Variants in ENOX1 observed in about 807,000 individuals in gnomAD.
The protein encoded by ENOX1 is ecto-NOX disulfide-thiol exchanger 1, also known as candidate growth-related and time keeping constitutive hydroquinone (NADH) oxidase.
Under a neutral mutation model 82.5 loss-of-function variants are expected in ENOX1, and 42 were observed. That is an observed-to-expected ratio of 0.51 (90% CI 0.40 to 0.66). The LOEUF is 0.66. Among genes scored for constraint, ENOX1 ranks in the 30% least tolerant of loss-of-function variants. The pLI is 0.00. For missense variants in ENOX1, 608 were observed against 811.6 expected (o/e 0.75, Z 3.05); for synonymous variants, 271 against 282.2 (o/e 0.96, Z 0.40).
At chr13:43,317,746 C>CT (rs932803443) in intron 11 of ENOX1, among the ~76,000 whole-genome samples, 1 of 151,856 alleles carries the variant, frequency 6.6e-6, no homozygotes, top group African/African-American at 2.4e-5. Context: ...TGGCTCATGC[C>CT]TGTAATCCCA....
At chr13:43,445,143 A>C (rs576011544) in intron 3 of ENOX1, among the ~76,000 whole-genome samples, 285 of 96,058 alleles carry the variant, frequency 3.0e-3, no homozygotes, top group African/African-American at 8.7e-3. Flanking sequence ...TTTTTTTTTG[A>C]TACGGAGTCT....
intron 5 of ENOX1, among the ~76,000 whole-genome samples, chr13:43,388,621 A>T (rs1423427236): frequency 5.3e-5 from 8 of 152,210 alleles, no homozygotes; most frequent in African/African-American, 1.9e-4. Flanking sequence ...TCAGCAGAGC[A>T]AATAATGGGA....
Position 43,589,463 on chromosome 13 carries a change from G to A in ENOX1, c.-219+78016C>T, listed in dbSNP as rs567000716. Among the ~76,000 whole-genome samples the A allele has an allele frequency of 3.3e-5, 5 of 152,210 alleles. No individual in the cohort carries two copies. In the East Asian group the frequency reaches 9.7e-4, roughly 29 times the overall value. ...ACAACAGAAGACCAGATCTCAGATG[G>A]TGTGAAGTTTATATTACTTGGGGTG... On this transcript the variant is annotated intron_variant, in intron 2 of 16. Coordinates refer to ENST00000690772, the MANE Select transcript of ENOX1 (RefSeq NM_001347969.2).
intron 2 of ENOX1, among the ~76,000 whole-genome samples, chr13:43,572,815 G>C (rs749574146): frequency 1.3e-5 from 2 of 152,144 alleles, no homozygotes; most frequent in African/African-American, 4.8e-5. Flanking sequence ...AATCCTCCTG[G>C]CATCTATCCC....
At chr13:43,621,461 T>G (rs1244305509) in intron 2 of ENOX1, among the ~76,000 whole-genome samples, 1 of 152,228 alleles carries the variant, frequency 6.6e-6, no homozygotes, top group Non-Finnish European at 1.5e-5. Flanking sequence ...TGGCAAATTA[T>G]TTCAGCATTT....
intron 2 of ENOX1, among the ~76,000 whole-genome samples, chr13:43,525,644 AT>A (rs1483095468): frequency 2.0e-5 from 3 of 151,954 alleles, no homozygotes; most frequent in Non-Finnish European, 4.4e-5. Flanking sequence ...ACCAACACTT[AT>A]TTGGTTTTTT....
chr13:43,405,401 T>C (rs2053735298), intron 5 of ENOX1, among the ~76,000 whole-genome samples: 2 of 152,082 alleles, frequency 1.3e-5, no homozygotes, highest in South Asian at 4.2e-4. Flanking sequence ...ACCAAAGCCA[T>C]ACCTCCATCA....
chr13:43,298,616 CA>C, intron 11 of ENOX1, 86 bp from the exon 12 acceptor site: 4 of 1,293,290 alleles, frequency 3.1e-6, no homozygotes, highest in Non-Finnish European at 2.1e-6. Context: ...GTCTGTCACC[CA>C]AGTTCTTAAT....
intron 3 of ENOX1, among the ~76,000 whole-genome samples, chr13:43,415,241 T>TTTTTTG (rs1956936774): frequency 1.4e-5 from 2 of 144,268 alleles, no homozygotes; most frequent in Non-Finnish European, 3.0e-5. Flanking sequence ...TGTTTTTTTT[T>TTTTTTG]TTTTTTTTTT....
chr13:43,458,316 A>G (rs1414849814), intron 3 of ENOX1: 2 of 152,230 alleles, frequency 1.3e-5, no homozygotes, highest in African/African-American at 4.8e-5. Context: ...AAATCATACA[A>G]TGCATATAAA....
chr13:43,644,812 T>A (rs2153771172), intron 2 of ENOX1, among the ~76,000 whole-genome samples: 1 of 152,310 alleles, frequency 6.6e-6, no homozygotes, highest in African/African-American at 2.4e-5. Context: ...ATATTCACAG[T>A]ACTACACCAA....
chr13:43,603,564 T>C (rs1239330205), intron 2 of ENOX1, among the ~76,000 whole-genome samples: 3 of 139,460 alleles, frequency 2.2e-5, no homozygotes, highest in Non-Finnish European at 4.5e-5. Context: ...CAGGCCCTGG[T>C]GTGTGATGTT....
chr13:43,451,100 A>G (rs760021641), intron 3 of ENOX1, among the ~76,000 whole-genome samples: 1 of 152,212 alleles, frequency 6.6e-6, no homozygotes, highest in Non-Finnish European at 1.5e-5. Context: ...TTGAGTAGTT[A>G]GAAGTAAAAA....
rs1225950134 is a variant in ENOX1, at chr13:43,214,035, T to C, written c.1887A>G (p.Glu629=). 6.2e-7 allele frequency: 1 copy of C among 1,613,954 alleles called. No individual in the cohort carries two copies. The highest frequency in any genetic ancestry group is 1.7e-5 in the Admixed American group (1 of 59,996). ...CAAAGGCACACAGCTTCCATCTTTT[T>C]TCCAGCGTGGCTCCCACACCCGTGA... ...QEFTGVGATL[E]KRWKLCAFEG... The change falls in exon 17 of 17, where the codon GAA becomes GAG. Residue 629 remains glutamate (E), a synonymous_variant. Transcript: ENST00000690772.
chr13:43,275,824 A>G (rs1366499226), intron 12 of ENOX1, among the ~76,000 whole-genome samples: 1 of 152,172 alleles, frequency 6.6e-6, no homozygotes, highest in Non-Finnish European at 1.5e-5. Context: ...TTACATGTAC[A>G]TGATAACTAA....
intron 11 of ENOX1, among the ~76,000 whole-genome samples, chr13:43,309,738 C>T (rs752168033): frequency 7.9e-4 from 120 of 152,110 alleles, no homozygotes; most frequent in Non-Finnish European, 1.4e-3. Context: ...AGCAATTTTT[C>T]CCTGGGAAAG....
In ENOX1 at chr13:43,359,946, C is replaced by G. The variant is rs1227028432; in HGVS notation, c.494G>C (p.Cys165Ser). The change falls in exon 7 of 17, where the codon TGC (cysteine) becomes TCC (serine). Residue 165 changes from cysteine to serine, a missense_variant. Physicochemically the swap from Cys to Ser is moderately radical, Grantham distance 112. Transcript: ENST00000690772. Reference sequence around the variant, plus strand: ...TTTCCGAATTGCTGTAATATCACCGCACTGTTCAAAGACTTCTTGAATAAT... The same window carrying G: ...TTTCCGAATTGCTGTAATATCACCGGACTGTTCAAAGACTTCTTGAATAAT... ...EEIIQEVFEQ[C>S]GDITAIRKSK... The G allele has an allele frequency of 1.9e-5, 31 of 1,614,074 alleles. No individual in the cohort carries two copies. In the Admixed American group the frequency reaches 5.0e-4, roughly 26 times the overall value.
At chr13:43,250,701 G>A (rs1168390148) in intron 14 of ENOX1, among the ~76,000 whole-genome samples, 3 of 152,046 alleles carry the variant, frequency 2.0e-5, no homozygotes, top group Non-Finnish European at 4.4e-5. Context: ...CTACAATAAG[G>A]GTACATTTTG....
At chr13:43,389,307 A>G (rs1340746606) in intron 5 of ENOX1, among the ~76,000 whole-genome samples, 1 of 152,240 alleles carries the variant, frequency 6.6e-6, no homozygotes, top group African/African-American at 2.4e-5. Flanking sequence ...GAAACAGCTC[A>G]AAGACTACCA....
Sources: allele counts gnomAD v4.1 joint callset (sites outside exome capture counted in the v4.1 genomes callset), GRCh38; gene constraint gnomAD v4.1.1; transcripts MANE v1.5; gene names NCBI Gene and HGNC (gene_info 2026-07-23, HGNC 2026-07-21).